The following MED12L variants were observed in gnomAD, a reference collection of about 807,000 sequenced individuals.
MED12L encodes the protein mediator of RNA polymerase II transcription subunit 12-like protein.
In MED12L, 60 loss-of-function variants were observed where a neutral mutation model predicts 281.3. The observed-to-expected ratio is 0.21, with a 90% confidence interval of 0.17 to 0.26. The LOEUF is 0.26. MED12L is among the 10% of genes least tolerant of loss of function. The pLI is 1.00. For missense variants in MED12L, 2,146 were observed against 2,680.9 expected (o/e 0.80, Z 4.41); for synonymous variants, 974 against 987.2 (o/e 0.99, Z 0.25).
chr3:151,209,461 C>T (rs536818714), intron 16 of MED12L, among the ~76,000 whole-genome samples: 3 of 151,980 alleles, frequency 2.0e-5, no homozygotes, highest in Non-Finnish European at 4.4e-5. Flanking sequence ...GTTTTTTTGA[C>T]GGGCATGTCT....
intron 16 of MED12L, among the ~76,000 whole-genome samples, chr3:151,205,234 G>A (rs111854637): frequency 2.6e-5 from 4 of 152,270 alleles, no homozygotes; most frequent in African/African-American, 9.6e-5. Context: ...ACACCCAAGC[G>A]GGAAGAAGTG....
intron 3 of MED12L, among the ~76,000 whole-genome samples, chr3:151,119,044 G>A (rs533196759): frequency 1.3e-5 from 2 of 152,184 alleles, no homozygotes; most frequent in East Asian, 3.9e-4. Flanking sequence ...ACATTATTTT[G>A]TATGCACTTT....
intron 16 of MED12L, among the ~76,000 whole-genome samples, chr3:151,313,942 T>C (rs1010742242): frequency 6.6e-6 from 1 of 151,704 alleles, no homozygotes; most frequent in African/African-American, 2.4e-5. Context: ...AAAAATTGCA[T>C]GATAAAATAT....
chr3:151,228,602 A>T (rs1196977700), intron 16 of MED12L, among the ~76,000 whole-genome samples: 1 of 152,068 alleles, frequency 6.6e-6, no homozygotes, highest in African/African-American at 2.4e-5. Context: ...AAATTGGGAG[A>T]GGTTTTGCTT....
chr3:151,277,226 A>T (rs146227228), intron 16 of MED12L, among the ~76,000 whole-genome samples: 112 of 151,380 alleles, frequency 7.4e-4, no homozygotes, highest in African/African-American at 2.6e-3. Flanking sequence ...TTTTTTCCAG[A>T]CATGACAATA....
chr3:151,213,503 T>G (rs371105315), intron 16 of MED12L: 1 of 1,614,048 alleles, frequency 6.2e-7, no homozygotes, highest in Non-Finnish European at 8.5e-7. Flanking sequence ...TACCGCAAGA[T>G]TTCTTTTGAC....
At position 151,086,931 on chromosome 3, in the gene MED12L, C is replaced by A; in HGVS notation, c.5C>A (p.Ala2Asp). 6.3e-7 allele frequency: 1 copy of A among 1,593,834 alleles called. No individual in the cohort carries two copies. Among genetic ancestry groups the A allele is most frequent in the Non-Finnish European group, 8.5e-7 (1 of 1,171,088 alleles). The change falls in exon 2 of 45, where the codon GCC (alanine) becomes GAC (aspartate). Residue 2 changes from alanine (A) to aspartate (D), a missense_variant. Ala to Asp is a moderately radical substitution (Grantham distance 126). Around this residue, in one of 9 missense-constraint regions of MED12L, gnomAD observed 44 missense variants for 39.7 expected, o/e 1.11. Transcript: ENST00000687756. Reference protein sequence around the residue: MAAFGLLSYEQR... With the variant: MDAFGLLSYEQR... ...CGCCGGTTAACATGAGAGATCATGGCCGCCTTCGGGCTTCTCAGCTATGAG... is the reference window on the plus strand; with the variant it reads ...CGCCGGTTAACATGAGAGATCATGGACGCCTTCGGGCTTCTCAGCTATGAG...
chr3:151,363,039 A>G (rs1754810063), intron 21 of MED12L, among the ~76,000 whole-genome samples: 1 of 151,720 alleles, frequency 6.6e-6, no homozygotes, highest in African/African-American at 2.4e-5. Context: ...GACCCTTAAT[A>G]CTCCTGCAGT....
intron 16 of MED12L, among the ~76,000 whole-genome samples, chr3:151,251,562 T>C (rs908379072): frequency 3.3e-5 from 5 of 152,194 alleles, no homozygotes; most frequent in African/African-American, 1.2e-4. Flanking sequence ...GGGTCTCTAA[T>C]ACTTAAAAGA....
chr3:151,393,154 G>C (rs145246402), intron 38 of MED12L, among the ~76,000 whole-genome samples: 208 of 152,242 alleles, frequency 1.4e-3, no homozygotes, highest in African/African-American at 4.8e-3. Context: ...TTGAGGACAT[G>C]CCTGGGAGAA....
At chr3:151,214,380 T>C (rs1466417051) in intron 16 of MED12L, 26 of 1,367,102 alleles carry the variant, frequency 1.9e-5, no homozygotes, top group South Asian at 9.3e-5. Flanking sequence ...AGGGCACTTA[T>C]GGCCTCCAAG....
intron 14 of MED12L, 21 bp downstream of exon 14, chr3:151,190,952 C>T (rs1332735401): frequency 8.1e-6 from 13 of 1,600,636 alleles, no homozygotes; most frequent in Middle Eastern, 1.7e-4. Flanking sequence ...GGATATGATG[C>T]CCCACTCCCC....
intron 20 of MED12L, among the ~76,000 whole-genome samples, chr3:151,357,672 C>T (rs1396328874): frequency 6.6e-6 from 1 of 152,170 alleles, no homozygotes. Context: ...GGCCAGCATC[C>T]TGGCATATTA....
In MED12L at chr3:151,180,565, T is replaced by G. The variant is rs543929821; in HGVS notation, c.1495-4765T>G. 2.0e-5 allele frequency among the ~76,000 whole-genome samples: 3 copies of G among 152,358 alleles called. No homozygotes were observed. In the South Asian group the frequency reaches 6.2e-4, roughly 32 times the overall value. On this transcript the variant is annotated intron_variant, in intron 11 of 44. Coordinates refer to ENST00000687756, the MANE Select transcript of MED12L (RefSeq NM_001393769.1). ...AGTGAATTGACTTCCTCTTGGAACCTGTTTTCTATTTCTAGCACATTCTGC... is the reference window on the plus strand; with the variant it reads ...AGTGAATTGACTTCCTCTTGGAACCGGTTTTCTATTTCTAGCACATTCTGC...
At chr3:151,263,354 A>G (rs901073968) in intron 16 of MED12L, among the ~76,000 whole-genome samples, 1 of 152,260 alleles carries the variant, frequency 6.6e-6, no homozygotes, top group Non-Finnish European at 1.5e-5. Flanking sequence ...ATAACATTGC[A>G]TTATTACAAA....
intron 30 of MED12L, 133 bp from the exon 31 acceptor site, chr3:151,377,879 C>A: frequency 1.2e-6 from 1 of 839,884 alleles, no homozygotes; most frequent in Non-Finnish European, 1.7e-6. Context: ...AAAGATAATA[C>A]AGAAATAAAA....
At chr3:151,426,887 G>A (rs937867047) in intron 43 of MED12L, among the ~76,000 whole-genome samples, 2 of 151,252 alleles carry the variant, frequency 1.3e-5, no homozygotes, top group African/African-American at 4.9e-5. Flanking sequence ...GTACGATCAC[G>A]GCTCACTGCA....
At chr3:151,354,909 G>A (rs1292833069) in intron 17 of MED12L, among the ~76,000 whole-genome samples, 1 of 152,164 alleles carries the variant, frequency 6.6e-6, no homozygotes, top group African/African-American at 2.4e-5. Flanking sequence ...ATCTCCTAGG[G>A]AGGGAGACAT....
intron 3 of MED12L, among the ~76,000 whole-genome samples, chr3:151,121,746 C>G (rs1282026897): frequency 2.0e-5 from 3 of 152,098 alleles, no homozygotes; most frequent in African/African-American, 7.2e-5. Context: ...GATGGAGTCT[C>G]ACTCTGTCAT....
Sources: gnomAD v4.1 joint callset for allele counts (sites outside exome capture counted in the v4.1 genomes callset) on GRCh38, gnomAD v4.1.1 for gene constraint, gnomAD v4.1.1 regional missense constraint, MANE v1.5 for transcripts, NCBI Gene and HGNC (gene_info 2026-07-23, HGNC 2026-07-21) for gene names.